The following CNTNAP2 variants were observed in gnomAD, a reference collection of about 807,000 sequenced individuals.
CNTNAP2 encodes contactin-associated protein-like 2.
In CNTNAP2, 98 loss-of-function variants were observed where a neutral mutation model predicts 155.2. The ratio of observed to expected loss-of-function variants is 0.63; its 90% CI spans 0.54 to 0.75. The LOEUF is 0.75. CNTNAP2 is among the 30% of genes least tolerant of loss of function. CNTNAP2 has a pLI of 0.00. For missense variants in CNTNAP2, 1,727 were observed against 1,688.1 expected, an observed-to-expected ratio of 1.02 and a Z score of -0.40; for synonymous variants, 651 against 631.2, an observed-to-expected ratio of 1.03 and a Z score of -0.47.
intron 3 of CNTNAP2, among the ~76,000 whole-genome samples, chr7:147,007,429 C>T (rs1187224327): frequency 6.6e-6 from 1 of 152,090 alleles, no homozygotes; most frequent in Non-Finnish European, 1.5e-5. Flanking sequence ...GCTACCTACT[C>T]TAATGCTTTT....
intron 8 of CNTNAP2, among the ~76,000 whole-genome samples, chr7:147,205,089 G>A (rs1370081946): frequency 6.6e-6 from 1 of 152,078 alleles, no homozygotes; most frequent in African/African-American, 2.4e-5. Flanking sequence ...CTCCAGCTTT[G>A]CTATATATAT....
intron 12 of CNTNAP2, among the ~76,000 whole-genome samples, chr7:147,630,844 T>C (rs1207067470): frequency 1.3e-5 from 2 of 152,068 alleles, no homozygotes; most frequent in East Asian, 3.9e-4. Context: ...AAACCATCTA[T>C]GACAAACCCA....
intron 3 of CNTNAP2, among the ~76,000 whole-genome samples, chr7:146,974,570 G>A (rs1379259376): frequency 1.3e-5 from 2 of 152,188 alleles, no homozygotes; most frequent in African/African-American, 4.8e-5. Flanking sequence ...TTAGGTATGT[G>A]ACGACTTGTA....
intron 10 of CNTNAP2, among the ~76,000 whole-genome samples, chr7:147,441,665 A>T (rs1797636968): frequency 6.6e-6 from 1 of 152,066 alleles, no homozygotes; most frequent in Admixed American, 6.6e-5. Flanking sequence ...TTCCTTATTT[A>T]GGGAGCACCC....
At chr7:147,246,081 TACATATATATGGCATATATATATATACAC>T (rs1804058729) in intron 8 of CNTNAP2, among the ~76,000 whole-genome samples, 3 of 149,464 alleles carry the variant, frequency 2.0e-5, no homozygotes, top group Non-Finnish European at 3.0e-5. Flanking sequence ...TATATATATA[TACATATATATGGCATATATATATATACAC>T]ACATATATAT....
intron 3 of CNTNAP2, among the ~76,000 whole-genome samples, chr7:146,842,912 C>T (rs1180720308): frequency 6.8e-6 from 1 of 148,130 alleles, no homozygotes; most frequent in Non-Finnish European, 1.5e-5. Context: ...GTCTCCATCT[C>T]CTGACCTTGT....
At chr7:146,980,218 T>C (rs12703872) in intron 3 of CNTNAP2, among the ~76,000 whole-genome samples, 34,296 of 152,052 alleles carry the variant, frequency 0.23, 5,122 homozygotes, top group Non-Finnish European at 0.32. Flanking sequence ...GGGTTACCTA[T>C]GTAGTTCTAG....
At chr7:147,980,410 A>G (rs1480783703) in intron 15 of CNTNAP2, among the ~76,000 whole-genome samples, 1 of 152,226 alleles carries the variant, frequency 6.6e-6, no homozygotes, top group Non-Finnish European at 1.5e-5. Flanking sequence ...GTATACTTAT[A>G]ATTACTGTAA....
chr7:147,675,115 A>G (rs1795847891), intron 13 of CNTNAP2, among the ~76,000 whole-genome samples: 2 of 151,986 alleles, frequency 1.3e-5, no homozygotes, highest in African/African-American at 4.8e-5. Flanking sequence ...CCAGGGAAAA[A>G]TCCTTCCCTG....
chr7:146,383,573 T>C (rs1332768978), intron 1 of CNTNAP2, among the ~76,000 whole-genome samples: 1 of 152,214 alleles, frequency 6.6e-6, no homozygotes, highest in Non-Finnish European at 1.5e-5. Context: ...GATTCACTTT[T>C]TGGTGTGACC....
intron 18 of CNTNAP2, among the ~76,000 whole-genome samples, chr7:148,174,419 C>G (rs1389726548): frequency 1.4e-5 from 2 of 142,364 alleles, no homozygotes; most frequent in African/African-American, 3.0e-5. Flanking sequence ...TTCCTGTGAC[C>G]GCCCCCCACC....
chr7:147,268,296 A>G (rs1804662532), intron 8 of CNTNAP2, among the ~76,000 whole-genome samples: 1 of 152,112 alleles, frequency 6.6e-6, no homozygotes, highest in Admixed American at 6.6e-5. Context: ...ATAATGACCA[A>G]ATTTATATCT....
chr7:147,653,551 C>A (rs1795479244), intron 13 of CNTNAP2, among the ~76,000 whole-genome samples: 2 of 152,128 alleles, frequency 1.3e-5, no homozygotes, highest in Non-Finnish European at 2.9e-5. Flanking sequence ...AATATGAAAT[C>A]ACCCTCAGTT....
chr7:147,470,773 T>C (rs1223413302), intron 10 of CNTNAP2, among the ~76,000 whole-genome samples: 1 of 151,984 alleles, frequency 6.6e-6, no homozygotes, highest in Non-Finnish European at 1.5e-5. Flanking sequence ...GTCTAGTAGA[T>C]ACCTAACTGC....
intron 9 of CNTNAP2, among the ~76,000 whole-genome samples, chr7:147,349,742 A>G (rs1028497615): frequency 3.9e-5 from 6 of 151,970 alleles, no homozygotes; most frequent in African/African-American, 7.2e-5. Context: ...ATCTGTGAAC[A>G]TATGTACTAC....
At chr7:146,139,743 A>G (rs756047088) in intron 1 of CNTNAP2, among the ~76,000 whole-genome samples, 2 of 152,164 alleles carry the variant, frequency 1.3e-5, no homozygotes, top group Non-Finnish European at 1.5e-5. Context: ...AATTCAACTA[A>G]GGGACCCTAT....
At chr7:147,631,346 AT>A (rs1483722706) in intron 12 of CNTNAP2, among the ~76,000 whole-genome samples, 1 of 152,176 alleles carries the variant, frequency 6.6e-6, no homozygotes, top group East Asian at 1.9e-4. Context: ...ACACAAACAA[AT>A]GGAAACACAA....
At chr7:147,881,004 A>C (rs1229520115) in intron 13 of CNTNAP2, among the ~76,000 whole-genome samples, 2 of 152,166 alleles carry the variant, frequency 1.3e-5, no homozygotes, top group African/African-American at 4.8e-5. Context: ...GTAGAACCCT[A>C]CCATAAGACC....
chr7:147,855,920 G>T (rs1157634604), intron 13 of CNTNAP2, among the ~76,000 whole-genome samples: 3 of 152,090 alleles, frequency 2.0e-5, no homozygotes, highest in African/African-American at 7.2e-5. Flanking sequence ...AAAAGGCCTT[G>T]CCCTTTCCAC....
Sources: gnomAD v4.1 joint callset for allele counts (sites outside exome capture counted in the v4.1 genomes callset) on GRCh38, gnomAD v4.1.1 for gene constraint, MANE v1.5 for transcripts, NCBI Gene and HGNC (gene_info 2026-07-23, HGNC 2026-07-21) for gene names.